OSBPL9: variants seen among roughly 807,000 people sequenced by gnomAD.
OSBPL9 encodes oxysterol-binding protein-related protein 9.
OSBPL9 carries 40 observed loss-of-function variants against 106.6 expected under a neutral mutation model. The ratio of observed to expected loss-of-function variants is 0.38; its 90% CI spans 0.29 to 0.49. The LOEUF is 0.49. Among genes scored for constraint, OSBPL9 ranks in the 20% least tolerant of loss-of-function variants. The pLI is 0.97. For missense variants in OSBPL9, 609 were observed against 887.2 expected (o/e 0.69, Z 3.98); for synonymous variants, 269 against 295.4 (o/e 0.91, Z 0.92).
intron 15 of OSBPL9, 81 bp from the exon 16 acceptor site, chr1:51,781,083 G>A: frequency 5.0e-6 from 7 of 1,389,408 alleles, no homozygotes; most frequent in Non-Finnish European, 7.0e-6. Context: ...CCTGACTTAG[G>A]TGGACCATGC....
chr1:51,651,984 C>T lies in OSBPL9; in HGVS notation c.112-7C>T. 2 of 1,603,552 alleles carry T rather than the reference C, an allele frequency of 1.2e-6. No homozygotes were observed. Among genetic ancestry groups the T allele is most frequent in the Non-Finnish European group, 1.7e-6 (2 of 1,173,816 alleles). ...TTTATTCATTGAATGCTTTGTTTTT[C>T]TTTTAGTCCAAGGACAAAATGATGA... On this transcript the variant is annotated splice_region_variant and splice_polypyrimidine_tract_variant and intron_variant, in intron 1 of 23. Transcript: ENST00000428468.
chr1:51,537,462 T>C, the OSBPL9 span, among the ~76,000 whole-genome samples: 2 of 152,230 alleles, frequency 1.3e-5, no homozygotes, highest in East Asian at 3.8e-4. Context: ...GGGCATCAGA[T>C]GTGCTCATTC....
intron 2 of OSBPL9, among the ~76,000 whole-genome samples, chr1:51,662,133 A>G (rs530857756): frequency 2.4e-4 from 36 of 152,326 alleles, no homozygotes; most frequent in African/African-American, 8.7e-4. Flanking sequence ...CCTCCAAGGA[A>G]TGGAAGGTTA....
intron 1 of OSBPL9, among the ~76,000 whole-genome samples, chr1:51,625,794 G>A (rs1644732845): frequency 6.6e-6 from 1 of 152,094 alleles, no homozygotes. Context: ...AAAGTGCTGT[G>A]ATTATAATTG....
rs1482400529 is a variant in OSBPL9, at chr1:51,761,883, T to G, written c.690T>G (p.Cys230Trp). 1 of 1,613,412 alleles carries G rather than the reference T, an allele frequency of 6.2e-7. No individual in the cohort carries two copies. The highest frequency in any genetic ancestry group is 8.5e-7 in the Non-Finnish European group (1 of 1,179,358). The change falls in exon 11 of 24, where the codon TGT (cysteine) becomes TGG (tryptophan). Residue 230 changes from cysteine to tryptophan, a missense_variant. Cys to Trp is a radical substitution (Grantham distance 215). This residue lies in a region of OSBPL9 where 356 missense variants were observed against 505.8 expected (regional missense o/e 0.70). Transcript: ENST00000428468. Reference protein sequence around the residue: ...TVLPPEPVQLCKSEQRPSSLP... With the variant: ...TVLPPEPVQLWKSEQRPSSLP... ...ATCTCCTAGAACCTGTTCAGTTGTGTAAGTCAGAGCAGCGTCCATCTTCCC... is the reference window on the plus strand; with the variant it reads ...ATCTCCTAGAACCTGTTCAGTTGTGGAAGTCAGAGCAGCGTCCATCTTCCC...
At chr1:51,531,979 G>C in the OSBPL9 span, among the ~76,000 whole-genome samples, 2 of 152,194 alleles carry the variant, frequency 1.3e-5, no homozygotes, top group African/African-American at 2.4e-5. Context: ...TGTGTTTCAG[G>C]AAGGAGCAAG....
At chr1:51,597,207 G>A (rs1385396838) in intron 1 of OSBPL9, among the ~76,000 whole-genome samples, 1 of 152,152 alleles carries the variant, frequency 6.6e-6, no homozygotes, top group Non-Finnish European at 1.5e-5. Flanking sequence ...GACTTCTCAT[G>A]ATATAAGCCA....
intron 2 of OSBPL9, among the ~76,000 whole-genome samples, chr1:51,668,497 T>C (rs1392811125): frequency 6.6e-6 from 1 of 151,970 alleles, no homozygotes; most frequent in Admixed American, 6.6e-5. Flanking sequence ...TGGCACACGC[T>C]TGTAATCCCA....
upstream of OSBPL9, among the ~76,000 whole-genome samples, chr1:51,615,958 C>G (rs1324595158): frequency 4.0e-5 from 6 of 150,964 alleles, no homozygotes; most frequent in East Asian, 1.2e-3. Flanking sequence ...ATTCCCAGGA[C>G]CTCCAACAGT....
chr1:51,737,819 T>C (rs1666038097), intron 4 of OSBPL9, among the ~76,000 whole-genome samples: 1 of 152,114 alleles, frequency 6.6e-6, no homozygotes, highest in African/African-American at 2.4e-5. Flanking sequence ...TTCTGAATCA[T>C]CTGAGGCAAT....
the OSBPL9 span, among the ~76,000 whole-genome samples, chr1:51,539,908 T>C: frequency 6.6e-6 from 1 of 152,238 alleles, no homozygotes; most frequent in Non-Finnish European, 1.5e-5. Flanking sequence ...CTGTGTGATC[T>C]ATCGTCTGCC....
chr1:51,637,040 T>C (rs1210303820), intron 1 of OSBPL9, among the ~76,000 whole-genome samples: 2 of 152,186 alleles, frequency 1.3e-5, no homozygotes, highest in African/African-American at 4.8e-5. Context: ...GAGAAAAACC[T>C]TTAAGGAAGA....
chr1:51,609,044 C>T (rs781378856), intron 2 of OSBPL9, among the ~76,000 whole-genome samples: 7 of 152,026 alleles, frequency 4.6e-5, no homozygotes, highest in Admixed American at 6.6e-5. Flanking sequence ...TCTATGACCT[C>T]CCCTTCCCCC....
At chr1:51,559,959 C>T in the OSBPL9 span, among the ~76,000 whole-genome samples, 2 of 152,188 alleles carry the variant, frequency 1.3e-5, no homozygotes, top group African/African-American at 2.4e-5. Flanking sequence ...CCCTTCCTTC[C>T]TTTTCTTCTG....
intron 1 of OSBPL9, among the ~76,000 whole-genome samples, chr1:51,581,436 T>C (rs895295915): frequency 2.6e-5 from 4 of 152,204 alleles, no homozygotes; most frequent in Non-Finnish European, 5.9e-5. Context: ...AAAGTTACTC[T>C]TTTTTCCCCC....
At chr1:51,551,110 G>A in the OSBPL9 span, among the ~76,000 whole-genome samples, 8 of 152,050 alleles carry the variant, frequency 5.3e-5, no homozygotes, top group African/African-American at 1.7e-4. Flanking sequence ...CAAAGGGAGC[G>A]GGATGGAAAT....
upstream of OSBPL9, among the ~76,000 whole-genome samples, chr1:51,616,003 GTTTTTTTT>G (rs764823727): frequency 9.6e-6 from 1 of 104,496 alleles, no homozygotes; most frequent in Non-Finnish European, 1.8e-5. Context: ...AAATCCTTTG[GTTTTTTTT>G]TTTTTTTTTT....
intron 13 of OSBPL9, 63 bp downstream of exon 13, chr1:51,772,245 G>A: frequency 7.4e-7 from 1 of 1,354,548 alleles, no homozygotes; most frequent in Non-Finnish European, 1.0e-6. Context: ...AGATGTGGTG[G>A]CTCATGCCGT....
At chr1:51,569,895 A>G in the OSBPL9 span, 1 of 152,158 alleles carries the variant, frequency 6.6e-6, no homozygotes, top group African/African-American at 2.4e-5. Flanking sequence ...CAAGCCTCAG[A>G]GCAACCCTGC....
Sources: gnomAD v4.1 joint callset for allele counts (sites outside exome capture counted in the v4.1 genomes callset) on GRCh38, gnomAD v4.1.1 for gene constraint, gnomAD v4.1.1 regional missense constraint, MANE v1.5 for transcripts, NCBI Gene and HGNC (gene_info 2026-07-23, HGNC 2026-07-21) for gene names.